Variants in PGGT1B observed in about 807,000 individuals in gnomAD.
PGGT1B encodes protein geranylgeranyltransferase type I subunit beta.
In PGGT1B, 30 loss-of-function variants were observed where a neutral mutation model predicts 46.1. That is an observed-to-expected ratio of 0.65 (90% CI 0.49 to 0.88). The LOEUF (loss-of-function observed/expected upper bound fraction) is 0.88, where lower values mean the gene tolerates loss of function less well. Among genes scored for constraint, PGGT1B ranks in the 40% least tolerant of loss-of-function variants. The pLI is 0.00. For synonymous variants in PGGT1B, 170 were observed against 160.0 expected, an observed-to-expected ratio of 1.06 and a Z score of -0.47; for missense variants, 376 against 455.9, an observed-to-expected ratio of 0.82 and a Z score of 1.60.
At chr5:115,250,807 C>G (rs1748060769) in intron 2 of PGGT1B, among the ~76,000 whole-genome samples, 1 of 152,152 alleles carries the variant, frequency 6.6e-6, no homozygotes, top group Non-Finnish European at 1.5e-5. Flanking sequence ...CCACTTCCTT[C>G]TAGTACTCCC....
At chr5:115,255,136 T>C (rs1309405275) in intron 1 of PGGT1B, among the ~76,000 whole-genome samples, 3 of 152,200 alleles carry the variant, frequency 2.0e-5, no homozygotes, top group Non-Finnish European at 4.4e-5. Flanking sequence ...AAGCACGCAA[T>C]AAATGGAAGC....
rs150545185 is a variant in PGGT1B at position 115,261,028 on chromosome 5, T to C, written c.140+1684A>G. Among the ~76,000 whole-genome samples the C allele has an allele frequency of 3.2e-3, 480 of 152,346 alleles. 1 individual carries two copies. Among genetic ancestry groups the C allele is most frequent in the African/African-American group, 0.011 (457 of 41,574 alleles). Reference sequence around the variant, plus strand: ...CAATTTAATCAGCTCACAGGACTTATACACTGCATCTATCTAAGCAGTGTA... The same window carrying C: ...CAATTTAATCAGCTCACAGGACTTACACACTGCATCTATCTAAGCAGTGTA... On this transcript the variant is annotated intron_variant, in intron 1 of 8. Coordinates refer to ENST00000419445, the MANE Select transcript of PGGT1B (RefSeq NM_005023.4).
At chr5:115,215,015 T>C (rs1299062856) in intron 8 of PGGT1B, among the ~76,000 whole-genome samples, 2 of 152,238 alleles carry the variant, frequency 1.3e-5, no homozygotes, top group Admixed American at 6.5e-5. Flanking sequence ...GATTGATTGA[T>C]TGAGACAGAG....
intron 6 of PGGT1B, among the ~76,000 whole-genome samples, chr5:115,229,373 T>C (rs1265851204): frequency 6.6e-6 from 1 of 152,100 alleles, no homozygotes; most frequent in East Asian, 1.9e-4. Context: ...GGCCTTCCTC[T>C]AGGGCTTTAG....
chr5:115,250,883 T>C lies in PGGT1B; in HGVS notation c.259+2254A>G, dbSNP rs565189521. ...AAAATGGAACTATATACAATGTACT[T>C]CTTTCTCTCATAAACATGCTTGTGA... is the stretch of plus-strand genomic sequence containing the variant. On this transcript the variant is annotated intron_variant, in intron 2 of 8. Coordinates refer to ENST00000419445, the MANE Select transcript of PGGT1B (RefSeq NM_005023.4). Among the ~76,000 whole-genome samples the C allele has an allele frequency of 6.6e-5, 10 of 152,298 alleles. No homozygotes were observed. The South Asian group carries it at 2.1e-3, about 32-fold the overall frequency.
Position 115,212,374 on chromosome 5 carries a change from T to TACC in PGGT1B, c.*27_*28insGGT. 6.4e-7 allele frequency: 1 copy of TACC among 1,554,744 alleles called. No homozygotes were observed. Among genetic ancestry groups the TACC allele is most frequent in the Non-Finnish European group, 8.8e-7 (1 of 1,131,918 alleles). On this transcript the variant is annotated 3_prime_UTR_variant, in exon 9 of 9. Transcript: ENST00000419445. ...ACTTGAGCTACAGTTATGCTACAAA[T>TACC]CCCCCCACCCTCCCAATCTAAAATC...
intron 5 of PGGT1B, chr5:115,231,598 T>C (rs1756986228): frequency 6.6e-6 from 1 of 151,864 alleles, no homozygotes; most frequent in South Asian, 2.1e-4. Flanking sequence ...AAACATCAAA[T>C]CCCAGCAAGC....
rs1160089846 is a variant in PGGT1B, at chr5:115,204,024, A to C, written c.*8378T>G. 1.3e-5 allele frequency: 2 copies of C among 152,144 alleles called. No individual in the cohort carries two copies. The highest frequency in any genetic ancestry group is 2.9e-5 in the Non-Finnish European group (2 of 68,036). 9.4% of individuals were successfully genotyped at this position (152,144 alleles called of 1,614,324 possible). On this transcript the variant is annotated 3_prime_UTR_variant, in exon 9 of 9. Transcript: ENST00000419445. ...ATTTGAGAAAACGTTTTCTTTGCAT[A>C]TCTGAGTATTTATTATGTTTTCGAT...
intron 2 of PGGT1B, among the ~76,000 whole-genome samples, chr5:115,246,636 C>G (rs976518163): frequency 1.3e-5 from 2 of 152,100 alleles, no homozygotes; most frequent in African/African-American, 2.4e-5. Context: ...TGTGGTCTGG[C>G]TGCCCATCAG....
At position 115,210,403 on chromosome 5, in the gene PGGT1B, C is replaced by T. The variant is rs1413568031; in HGVS notation, c.*1999G>A. On this transcript the variant is annotated 3_prime_UTR_variant, in exon 9 of 9. Coordinates refer to ENST00000419445, the MANE Select transcript of PGGT1B (RefSeq NM_005023.4). ...TTTAGAAAAGTTAGAAATAGTTTCT[C>T]CACAATTCACACTGGGCTGCTATTT... is the stretch of plus-strand genomic sequence containing the variant. 6.6e-6 allele frequency: 1 copy of T among 152,028 alleles called. No individual in the cohort carries two copies. The highest frequency in any genetic ancestry group is 1.5e-5 in the Non-Finnish European group (1 of 67,966). The allele number at this position is 152,028 out of a possible 1,614,324, so 9.4% of individuals were successfully genotyped here.
At chr5:115,224,755 T>C (rs72663319) in intron 6 of PGGT1B, among the ~76,000 whole-genome samples, 18,866 of 149,140 alleles carry the variant, frequency 0.13, 1,780 homozygotes, top group East Asian at 0.53. Context: ...GCACCTGTGG[T>C]CCTAGCAACT....
At chr5:115,222,396 T>A (rs908441728) in intron 6 of PGGT1B, among the ~76,000 whole-genome samples, 1 of 152,140 alleles carries the variant, frequency 6.6e-6, no homozygotes, top group Non-Finnish European at 1.5e-5. Flanking sequence ...TGAGGCTCCA[T>A]CAACCCTAAG....
At chr5:115,253,397 A>G (rs767759125) in intron 1 of PGGT1B, 142 bp from the exon 2 acceptor site, 61 of 576,550 alleles carry the variant, frequency 1.1e-4, no homozygotes, top group Admixed American at 7.2e-4. Flanking sequence ...CAAAAAATAT[A>G]TATATACATA....
At position 115,262,744 on chromosome 5, in the gene PGGT1B, C is replaced by A. The variant is rs756939459; in HGVS notation, c.108G>T (p.Leu36Phe). ...TCTCGAGTGAAGAATAGCGCTCCGG[C>A]AAAACCTGGAGGCAGCGCTGGAAAA... is the stretch of plus-strand genomic sequence containing the variant. ...VRFFQRCLQV[L>F]PERYSSLETS... The change falls in exon 1 of 9, where the codon TTG (leucine) becomes TTT (phenylalanine). Residue 36 changes from leucine (L) to phenylalanine (F), a missense_variant. By Grantham distance (22) the Leu-to-Phe change is conservative. Coordinates refer to ENST00000419445, the MANE Select transcript of PGGT1B (RefSeq NM_005023.4). 3.7e-6 allele frequency: 6 copies of A among 1,612,724 alleles called. No homozygotes were observed. Among genetic ancestry groups the A allele is most frequent in the Non-Finnish European group, 5.1e-6 (6 of 1,179,336 alleles).
intron 5 of PGGT1B, among the ~76,000 whole-genome samples, chr5:115,235,439 T>C (rs548788525): frequency 5.3e-5 from 8 of 152,194 alleles, no homozygotes; most frequent in Non-Finnish European, 1.0e-4. Flanking sequence ...AGTCTCCAGG[T>C]ATCTCACCAC....
At position 115,211,838 on chromosome 5, in the gene PGGT1B, C is replaced by T. The variant is rs1756238718; in HGVS notation, c.*564G>A. 6.6e-6 allele frequency: 1 copy of T among 152,558 alleles called. No homozygotes were observed. The highest frequency in any genetic ancestry group is 2.1e-4 in the South Asian group (1 of 4,842). The allele number at this position is 152,558 out of a possible 1,614,324, so 9.5% of individuals were successfully genotyped here. On this transcript the variant is annotated 3_prime_UTR_variant, in exon 9 of 9. Coordinates refer to ENST00000419445, the MANE Select transcript of PGGT1B (RefSeq NM_005023.4). ...TTTATTCTTACTATGAAGTTATTAA[C>T]TTCATTTATATAGGCCACACAGGTT...
In PGGT1B at chr5:115,208,270, G is replaced by A. The variant is rs1412666588; in HGVS notation, c.*4132C>T. 1 of 148,482 alleles carries A rather than the reference G, an allele frequency of 6.7e-6. No individual in the cohort carries two copies. The highest frequency in any genetic ancestry group is 1.5e-5 in the Non-Finnish European group (1 of 67,122). 9.2% of individuals were successfully genotyped at this position (148,482 alleles called of 1,614,324 possible). A position where few individuals can be genotyped will look rare whatever the true frequency, so the allele number is the denominator to read the frequency against. On this transcript the variant is annotated 3_prime_UTR_variant, in exon 9 of 9. Coordinates refer to ENST00000419445, the MANE Select transcript of PGGT1B (RefSeq NM_005023.4). ...CTTTATTTGTTTTTTTTCTTTTTTT[G>A]GCACTTTGAGGTTCAAGATTCTTTT...
At chr5:115,226,317 T>A (rs1756781689) in intron 6 of PGGT1B, among the ~76,000 whole-genome samples, 1 of 152,014 alleles carries the variant, frequency 6.6e-6, no homozygotes, top group South Asian at 2.1e-4. Flanking sequence ...TAGGGAAGCT[T>A]AATTGGTAAG....
At chr5:115,257,530 C>CAAAAAAA (rs1169870044) in intron 1 of PGGT1B, among the ~76,000 whole-genome samples, 21 of 71,952 alleles carry the variant, frequency 2.9e-4, no homozygotes, top group East Asian at 4.3e-4. Context: ...AACTCCATCT[C>CAAAAAAA]AAAAAAAAAA....
Sources: allele counts gnomAD v4.1 joint callset (sites outside exome capture counted in the v4.1 genomes callset), GRCh38; gene constraint gnomAD v4.1.1; transcripts MANE v1.5; gene names NCBI Gene and HGNC (gene_info 2026-07-23, HGNC 2026-07-21).